The following COL6A5 variants were observed in gnomAD, a reference collection of about 807,000 sequenced individuals.
COL6A5 encodes the protein collagen alpha-5(VI) chain.
Under a neutral mutation model 65.6 loss-of-function variants are expected in COL6A5, and 48 were observed. That is an observed-to-expected ratio of 0.73 (90% confidence interval 0.58 to 0.93). The LOEUF is 0.93. COL6A5 is among the 40% of genes least tolerant of loss of function. COL6A5 has a pLI of 0.00. For synonymous variants in COL6A5, 291 were observed against 322.8 expected (o/e 0.90, Z 1.05); for missense variants, 914 against 928.3 (o/e 0.98, Z 0.20).
Position 130,426,420 on chromosome 3 carries a change from G to T in COL6A5, c.5236+17G>T. On this transcript the variant is annotated intron_variant and NMD_transcript_variant, in intron 31 of 41. Transcript: ENST00000312481. ...AACATAGTCGTGAGTATCTGTTACG[G>T]AACAAGAGCATCCATCAATGGTTGG... 1 of 1,550,794 alleles carries T rather than the reference G, an allele frequency of 6.4e-7. No individual in the cohort carries two copies. Among genetic ancestry groups the T allele is most frequent in the East Asian group, 2.4e-5 (1 of 40,906 alleles).
chr3:130,476,943 T>G, intron 7 of COL6A5: 1 of 741,368 alleles, frequency 1.3e-6, no homozygotes, highest in Admixed American at 2.0e-5. Flanking sequence ...GAAGCCAATC[T>G]GAGTCTCTTC....
intron 1 of COL6A5, among the ~76,000 whole-genome samples, chr3:130,436,973 C>T (rs1709049491): frequency 6.6e-6 from 1 of 152,162 alleles, no homozygotes. Context: ...TTCAATACTT[C>T]CACTTGCATG....
intron 4 of COL6A5, among the ~76,000 whole-genome samples, chr3:130,443,946 G>A (rs925681798): frequency 6.6e-6 from 1 of 152,072 alleles, no homozygotes; most frequent in Non-Finnish European, 1.5e-5. Context: ...CACACTGCCT[G>A]GGACTCTTGC....
chr3:130,369,323 T>G (rs945932607), intron 1 of COL6A5, among the ~76,000 whole-genome samples: 2 of 152,216 alleles, frequency 1.3e-5, no homozygotes, highest in East Asian at 3.8e-4. Flanking sequence ...TTTGCAATAT[T>G]TGTGGCATGT....
chr3:130,455,150 C>CAA (rs62929660), intron 4 of COL6A5, among the ~76,000 whole-genome samples: 19,996 of 129,964 alleles, frequency 0.15, 1,794 homozygotes, highest in East Asian at 0.33. Flanking sequence ...GACCCTGTCT[C>CAA]AAAAAAAAAA....
In COL6A5 at chr3:130,420,711, T is replaced by C. The variant is rs944745444; in HGVS notation, c.4951-442T>C. ...ACAACAACAGGTATTGTCACTTTTT[T>C]CCATCTTTACCATTGACAAAGATAG... On this transcript the variant is annotated intron_variant and NMD_transcript_variant, in intron 25 of 41. Coordinates refer to the COL6A5 transcript ENST00000312481. 4.6e-5 allele frequency among the ~76,000 whole-genome samples: 7 copies of C among 152,144 alleles called. No homozygotes were observed. The East Asian group carries it at 1.2e-3, about 25-fold the overall frequency.
chr3:130,445,281 C>T (rs1170631196), intron 4 of COL6A5, among the ~76,000 whole-genome samples: 1 of 152,158 alleles, frequency 6.6e-6, no homozygotes, highest in Non-Finnish European at 1.5e-5. Flanking sequence ...GGGAGGATTC[C>T]CAAGGTCTGG....
intron 4 of COL6A5, 31 bp from the exon 5 acceptor site, chr3:130,384,773 C>T: frequency 6.7e-7 from 1 of 1,484,594 alleles, no homozygotes; most frequent in Non-Finnish European, 9.0e-7. Context: ...TCTAGGTTCT[C>T]TAATTTACAG....
intron 5 of COL6A5, among the ~76,000 whole-genome samples, chr3:130,457,142 G>T (rs1256310576): frequency 2.6e-5 from 4 of 151,956 alleles, no homozygotes; most frequent in African/African-American, 7.2e-5. Context: ...TGTTAATTGT[G>T]CATGTTCATT....
At chr3:130,364,548 A>C (rs949589431) in intron 1 of COL6A5, among the ~76,000 whole-genome samples, 2 of 152,226 alleles carry the variant, frequency 1.3e-5, no homozygotes, top group Non-Finnish European at 2.9e-5. Context: ...TTTGGGGCAG[A>C]TGGAAATATG....
intron 17 of COL6A5, 36 bp from the exon 18 acceptor site, chr3:130,409,290 A>G: frequency 1.3e-6 from 2 of 1,514,494 alleles, no homozygotes; most frequent in Non-Finnish European, 1.8e-6. Flanking sequence ...CAAGCCTCCT[A>G]CAAGCTAACT....
At chr3:130,377,274 C>A (rs1206191712) in intron 3 of COL6A5, among the ~76,000 whole-genome samples, 1 of 152,164 alleles carries the variant, frequency 6.6e-6, no homozygotes, top group Non-Finnish European at 1.5e-5. Flanking sequence ...ATCTCTCTGT[C>A]CTTTGTGCCA....
intron 5 of COL6A5, among the ~76,000 whole-genome samples, chr3:130,457,598 G>C (rs1261472820): frequency 6.6e-6 from 1 of 152,098 alleles, no homozygotes; most frequent in Non-Finnish European, 1.5e-5. Flanking sequence ...TATGCTGAGA[G>C]TTCTGGGGAT....
chr3:130,466,758 A>G (rs890855138), intron 5 of COL6A5, among the ~76,000 whole-genome samples: 1 of 152,012 alleles, frequency 6.6e-6, no homozygotes, highest in African/African-American at 2.4e-5. Flanking sequence ...CAACTTTCCA[A>G]TATCAGAAAT....
exon 4 of COL6A5, chr3:130,379,912 C>G: frequency 6.4e-7 from 1 of 1,551,338 alleles, no homozygotes; most frequent in Non-Finnish European, 8.7e-7. Context: ...AGTGTCTTAT[C>G]CTCCAGAACA....
chr3:130,439,669 T>G lies in COL6A5; in HGVS notation c.581+54T>G, dbSNP rs141258203. On this transcript the variant is annotated intron_variant, in intron 2 of 7. Transcript: ENST00000512836. ...CTGAAGAGCTTAAATGCCTTCTAGA[T>G]GAGTTATTGAATGTGGTTTTATCCA... 4.5e-5 allele frequency: 53 copies of G among 1,190,062 alleles called. 1 individual carries two copies. The African/African-American group carries it at 6.9e-4, about 15-fold the overall frequency. The allele number at this position is 1,190,062 out of a possible 1,614,324, so 73.7% of individuals were successfully genotyped here. A position where few individuals can be genotyped will look rare whatever the true frequency, so the allele number is the denominator to read the frequency against.
At chr3:130,440,257 T>A in exon 3 of COL6A5, 1 of 1,613,386 alleles carries the variant, frequency 6.2e-7, no homozygotes, top group Non-Finnish European at 8.5e-7. Flanking sequence ...ATTCTCGGAA[T>A]ATAGCAAAGG....
intron 4 of COL6A5, among the ~76,000 whole-genome samples, chr3:130,446,595 T>C (rs763237823): frequency 1.3e-5 from 2 of 152,160 alleles, no homozygotes; most frequent in African/African-American, 4.8e-5. Flanking sequence ...TGTGATTTGG[T>C]GTGCCTGTTT....
chr3:130,370,671 GA>G (rs1935521686), intron 1 of COL6A5, among the ~76,000 whole-genome samples: 1 of 152,142 alleles, frequency 6.6e-6, no homozygotes, highest in African/African-American at 2.4e-5. Context: ...TGGAAAAGAC[GA>G]ATAGGAATGT....
Sources: gnomAD v4.1 joint callset for allele counts (sites outside exome capture counted in the v4.1 genomes callset) on GRCh38, gnomAD v4.1.1 for gene constraint, MANE v1.5 for transcripts, NCBI Gene and HGNC (gene_info 2026-07-23, HGNC 2026-07-21) for gene names.